The following FNBP1L variants were observed in gnomAD, a reference collection of about 807,000 sequenced individuals.
FNBP1L encodes the protein formin binding protein 1 like.
FNBP1L carries 36 observed loss-of-function variants against 91.2 expected under a neutral mutation model. That is an observed-to-expected ratio of 0.39 (90% CI 0.30 to 0.52). The LOEUF (loss-of-function observed/expected upper bound fraction) is 0.52. Ranked by LOEUF, FNBP1L falls within the 20% of genes least tolerant of loss-of-function variation. FNBP1L has a pLI of 0.66. For missense variants in FNBP1L, 571 were observed against 732.1 expected (o/e 0.78, Z 2.54); for synonymous variants, 242 against 237.0 (o/e 1.02, Z -0.19).
chr1:93,554,464 G>A lies in FNBP1L; in HGVS notation c.*2048G>A, dbSNP rs986738711. 1 of 152,646 alleles carries A rather than the reference G, an allele frequency of 6.6e-6. No homozygotes were observed. The highest frequency in any genetic ancestry group is 2.4e-5 in the African/African-American group (1 of 41,446). The allele number at this position is 152,646 out of a possible 1,614,324, so 9.5% of individuals were successfully genotyped here. A position where few individuals can be genotyped will look rare whatever the true frequency, so the allele number is the denominator to read the frequency against. On this transcript the variant is annotated 3_prime_UTR_variant, in exon 17 of 17. Coordinates refer to ENST00000271234, the MANE Select transcript of FNBP1L (RefSeq NM_001164473.3). ...GTATATGGGTTATTATAATAGGAAA[G>A]ACATTTGTACTTGCACAGTTTAAAT...
chr1:93,534,717 G>C lies in FNBP1L; in HGVS notation c.799G>C (p.Val267Leu). Residue 267 changes from valine (V) to leucine (L), a missense_variant, in exon 9 of 17, where the codon GTG (valine) becomes CTG (leucine). By Grantham distance (32) the Val-to-Leu change is conservative. Transcript: ENST00000271234. ...TTCTTTTGTATAGGACTCTCAAATG[G>C]TGGTAGACTCCTTCAAATCTGGTTT... Reference protein sequence around the residue: ...SVDERRDSQMVVDSFKSGFEP... With the variant: ...SVDERRDSQMLVDSFKSGFEP... 6.4e-7 allele frequency: 1 copy of C among 1,565,438 alleles called. No homozygotes were observed. The highest frequency in any genetic ancestry group is 1.2e-5 in the South Asian group (1 of 85,240).
rs1277590888 is a variant in FNBP1L at position 93,530,744 on chromosome 1, T to C, written c.511-11T>C. On this transcript the variant is annotated splice_polypyrimidine_tract_variant and intron_variant, in intron 6 of 16. Coordinates refer to ENST00000271234, the MANE Select transcript of FNBP1L (RefSeq NM_001164473.3). ...TGTTGTTGATAATAATTTCGACCAT[T>C]TTGCCCCTAGGCCAAACAGCAGTTG... 6.3e-7 allele frequency: 1 copy of C among 1,595,084 alleles called. No individual in the cohort carries two copies. Among genetic ancestry groups the C allele is most frequent in the African/African-American group, 1.3e-5 (1 of 74,714 alleles).
intron 10 of FNBP1L, among the ~76,000 whole-genome samples, chr1:93,539,011 C>T (rs1046178957): frequency 3.3e-5 from 5 of 152,012 alleles, no homozygotes; most frequent in Middle Eastern, 3.4e-3. Context: ...AAGTTCTAAC[C>T]GTTAATGGAT....
At chr1:93,515,211 T>C (rs1028819553) in intron 2 of FNBP1L, among the ~76,000 whole-genome samples, 2 of 152,040 alleles carry the variant, frequency 1.3e-5, no homozygotes, top group Non-Finnish European at 2.9e-5. Flanking sequence ...AAAACCACAA[T>C]GACATACCAT....
rs1672453015 is a variant in FNBP1L, at chr1:93,552,724, A to T, written c.*308A>T. On this transcript the variant is annotated 3_prime_UTR_variant, in exon 17 of 17. Transcript: ENST00000271234. The stretch of plus-strand genomic sequence containing the variant: ...ATAAAGAATGCAGAGCTGTCAAAAA[A>T]TGTGTCTTACATTAGCTGTCCCAAC... The T allele has an allele frequency of 3.6e-6, 1 of 280,970 alleles. No homozygotes were observed. The highest frequency in any genetic ancestry group is 5.2e-5 in the Admixed American group (1 of 19,168). The allele number at this position is 280,970 out of a possible 1,614,324, so 17.4% of individuals were successfully genotyped here. A position where few individuals can be genotyped will look rare whatever the true frequency, so the allele number is the denominator to read the frequency against.
At chr1:93,453,399 T>C (rs1668559846) in intron 1 of FNBP1L, among the ~76,000 whole-genome samples, 1 of 152,182 alleles carries the variant, frequency 6.6e-6, no homozygotes, top group African/African-American at 2.4e-5. Flanking sequence ...TTTGCTTGCT[T>C]TCTTTGCCTT....
chr1:93,549,308 C>T lies in FNBP1L; in HGVS notation c.1533C>T (p.Asn511=). Residue 511 remains asparagine (N), a synonymous_variant, in exon 15 of 17, where the codon AAC becomes AAT. Transcript: ENST00000271234. ...AGGGAAGTTACACTGATGATGCAAA[C>T]CAGGAAGTCCGTGGGCCACCCCAGC... ...SPEGSYTDDA[N]QEVRGPPQQH... is the part of the protein sequence containing the mutation. The T allele has an allele frequency of 6.2e-7, 1 of 1,612,044 alleles. No individual in the cohort carries two copies. Among genetic ancestry groups the T allele is most frequent in the Non-Finnish European group, 8.5e-7 (1 of 1,179,146 alleles).
rs904811048 is a variant in FNBP1L at position 93,453,140 on chromosome 1, A to T, written c.24+4835A>T. ...CGGTTATTATAGTTATTTCTTGTGT[A>T]TTCAAATCTTAGGGAAATTGTCATG... On this transcript the variant is annotated intron_variant, in intron 1 of 16. Transcript: ENST00000271234. Among the ~76,000 whole-genome samples the T allele has an allele frequency of 5.3e-5, 8 of 152,324 alleles. No homozygotes were observed. In the East Asian group the frequency reaches 1.5e-3, roughly 29 times the overall value.
chr1:93,499,892 TCTAA>T (rs1198221967), intron 2 of FNBP1L, among the ~76,000 whole-genome samples: 1 of 152,204 alleles, frequency 6.6e-6, no homozygotes, highest in Non-Finnish European at 1.5e-5. Context: ...TTTATTCCTC[TCTAA>T]CTTTTTGCTT....
At chr1:93,484,564 G>A (rs1557785613) in intron 1 of FNBP1L, among the ~76,000 whole-genome samples, 1 of 152,176 alleles carries the variant, frequency 6.6e-6, no homozygotes, top group Non-Finnish European at 1.5e-5. Flanking sequence ...CTGATGTCAG[G>A]ATAAAATGTC....
chr1:93,536,589 TAC>T (rs1671858768), intron 10 of FNBP1L, 99 bp downstream of exon 10: 2 of 1,103,946 alleles, frequency 1.8e-6, no homozygotes, highest in South Asian at 5.4e-5. Context: ...CTCCTATAAA[TAC>T]ACAGTTTAAA....
At chr1:93,460,257 C>T (rs1668817629) in intron 1 of FNBP1L, among the ~76,000 whole-genome samples, 1 of 152,152 alleles carries the variant, frequency 6.6e-6, no homozygotes, top group Admixed American at 6.5e-5. Flanking sequence ...TCACACTTTC[C>T]ATTCCTATTT....
chr1:93,547,095 A>G, intron 13 of FNBP1L, 121 bp downstream of exon 13: 1 of 1,208,634 alleles, frequency 8.3e-7, no homozygotes, highest in Non-Finnish European at 1.2e-6. Flanking sequence ...TTATGATCTA[A>G]AAGTATTATT....
intron 10 of FNBP1L, among the ~76,000 whole-genome samples, chr1:93,537,066 C>T (rs1335208268): frequency 2.6e-5 from 4 of 151,900 alleles, no homozygotes; most frequent in Non-Finnish European, 5.9e-5. Flanking sequence ...CTAGATATCA[C>T]TGAGTAATGT....
chr1:93,463,075 G>C (rs551522102), intron 1 of FNBP1L, among the ~76,000 whole-genome samples: 1 of 151,910 alleles, frequency 6.6e-6, no homozygotes, highest in South Asian at 2.1e-4. Flanking sequence ...TAGTTTTTTT[G>C]CTCAGATTAT....
intron 1 of FNBP1L, among the ~76,000 whole-genome samples, chr1:93,455,498 A>AT (rs1347396001): frequency 6.6e-6 from 1 of 152,226 alleles, no homozygotes; most frequent in Non-Finnish European, 1.5e-5. Flanking sequence ...TCTATGCCAC[A>AT]TGCCATTTTA....
chr1:93,464,466 C>G (rs148969189), intron 1 of FNBP1L, among the ~76,000 whole-genome samples: 1,824 of 152,250 alleles, frequency 0.012, 22 homozygotes, highest in Middle Eastern at 0.041. Flanking sequence ...GATCTTCTTG[C>G]TCTATCCTCC....
chr1:93,509,091 A>G (rs190325725), intron 2 of FNBP1L, among the ~76,000 whole-genome samples: 53 of 152,328 alleles, frequency 3.5e-4, no homozygotes, highest in African/African-American at 1.1e-3. Context: ...ATATGTGGTC[A>G]CCGTGACCAC....
chr1:93,518,076 G>C (rs1671193839), intron 2 of FNBP1L, among the ~76,000 whole-genome samples: 1 of 152,148 alleles, frequency 6.6e-6, no homozygotes, highest in Non-Finnish European at 1.5e-5. Flanking sequence ...CCTTGTTTCT[G>C]TTATTGTCTT....
Sources: gnomAD v4.1 joint callset for allele counts (sites outside exome capture counted in the v4.1 genomes callset) on GRCh38, gnomAD v4.1.1 for gene constraint, MANE v1.5 for transcripts, NCBI Gene and HGNC (gene_info 2026-07-23, HGNC 2026-07-21) for gene names.